The following HPS3 variants were observed in gnomAD, a reference collection of about 807,000 sequenced individuals.
HPS3 encodes the protein HPS3 biogenesis of lysosomal organelles complex 2 subunit 1, also known as BLOC-2 complex member HPS3.
HPS3 carries 79 observed loss-of-function variants against 110.9 expected under a neutral mutation model. The ratio of observed to expected loss-of-function variants is 0.71; its 90% CI spans 0.59 to 0.86. The LOEUF is 0.86. Ranked by LOEUF, HPS3 falls within the 40% of genes least tolerant of loss-of-function variation. The pLI, the probability that HPS3 is intolerant of heterozygous loss-of-function variation, is 0.00. For synonymous variants in HPS3, 428 were observed against 451.0 expected, an observed-to-expected ratio of 0.95 and a Z score of 0.65; for missense variants, 1,197 against 1,206.2, an observed-to-expected ratio of 0.99 and a Z score of 0.11.
At chr3:149,171,230 A>T (rs1724957554) in intron 16 of HPS3, among the ~76,000 whole-genome samples, 1 of 152,084 alleles carries the variant, frequency 6.6e-6, no homozygotes, top group South Asian at 2.1e-4. Flanking sequence ...GTGAGCTGAG[A>T]TCGCACCACT....
At chr3:149,133,107 G>A (rs138271908) in intron 1 of HPS3, among the ~76,000 whole-genome samples, 31 of 152,224 alleles carry the variant, frequency 2.0e-4, no homozygotes, top group African/African-American at 6.3e-4. Context: ...AAAAGACAAC[G>A]AAGATTTAGA....
chr3:149,137,691 G>A (rs1410985376), intron 1 of HPS3, among the ~76,000 whole-genome samples: 1 of 152,184 alleles, frequency 6.6e-6, no homozygotes, highest in Non-Finnish European at 1.5e-5. Flanking sequence ...TCTTAGAGAA[G>A]TTATGCTAAG....
intron 9 of HPS3, among the ~76,000 whole-genome samples, chr3:149,158,403 C>G (rs1032074943): frequency 6.6e-5 from 10 of 152,134 alleles, no homozygotes; most frequent in East Asian, 1.9e-4. Context: ...GTTTCAGTTA[C>G]TAATGGCAGT....
At chr3:149,168,705 T>C (rs1724678734) in intron 16 of HPS3, among the ~76,000 whole-genome samples, 1 of 152,176 alleles carries the variant, frequency 6.6e-6, no homozygotes, top group Non-Finnish European at 1.5e-5. Flanking sequence ...TGTATGCTTG[T>C]GATTGGGAAG....
At position 149,173,268 on chromosome 3, in the gene HPS3, T is replaced by A. The variant is rs11537807; in HGVS notation, c.*1046T>A. 6.5e-6 allele frequency: 1 copy of A among 152,938 alleles called. No individual in the cohort carries two copies. The highest frequency in any genetic ancestry group is 1.5e-5 in the Non-Finnish European group (1 of 68,594). 9.5% of individuals were successfully genotyped at this position (152,938 alleles called of 1,614,324 possible). A position where few individuals can be genotyped will look rare whatever the true frequency, so the allele number is the denominator to read the frequency against. Reference sequence around the variant, plus strand: ...TTATTTATTTTATTTTTTATTTCCTTCCCTCATACCTTGCCCATTCCCTCT... The same window carrying A: ...TTATTTATTTTATTTTTTATTTCCTACCCTCATACCTTGCCCATTCCCTCT... On this transcript the variant is annotated 3_prime_UTR_variant, in exon 17 of 17. Coordinates refer to ENST00000296051, the MANE Select transcript of HPS3 (RefSeq NM_032383.5).
intron 4 of HPS3, among the ~76,000 whole-genome samples, chr3:149,144,799 A>G (rs1722694484): frequency 6.6e-6 from 1 of 152,336 alleles, no homozygotes; most frequent in East Asian, 1.9e-4. Flanking sequence ...ATATGGCATA[A>G]GTATAAAATA....
At chr3:149,138,681 T>G (rs1437930546) in intron 1 of HPS3, among the ~76,000 whole-genome samples, 1 of 152,202 alleles carries the variant, frequency 6.6e-6, no homozygotes, top group Non-Finnish European at 1.5e-5. Flanking sequence ...TTTATATCCC[T>G]TTTAAGTAGA....
chr3:149,153,166 G>C (rs920877148), intron 6 of HPS3, among the ~76,000 whole-genome samples: 1 of 152,202 alleles, frequency 6.6e-6, no homozygotes, highest in African/African-American at 2.4e-5. Context: ...ATCTCCTGGA[G>C]GTATCTGTGG....
At chr3:149,134,372 G>C (rs933574724) in intron 1 of HPS3, among the ~76,000 whole-genome samples, 2 of 151,546 alleles carry the variant, frequency 1.3e-5, no homozygotes, top group African/African-American at 4.9e-5. Context: ...ATGTGTGTGT[G>C]TGTGAGAGAG....
chr3:149,141,390 A>T lies in HPS3; in HGVS notation c.970+10A>T, dbSNP rs1407483954. 6.2e-7 allele frequency: 1 copy of T among 1,604,616 alleles called. No homozygotes were observed. ...CCCATTTACCAGACCGGTAAGCATG[A>T]CAGTGCAGGAGTGCGACAGTGCAGC... On this transcript the variant is annotated intron_variant, in intron 4 of 16. Transcript: ENST00000296051.
chr3:149,133,187 G>C (rs376149459), intron 1 of HPS3, among the ~76,000 whole-genome samples: 2 of 152,238 alleles, frequency 1.3e-5, no homozygotes, highest in Admixed American at 6.5e-5. Flanking sequence ...TTGAAGTTCT[G>C]CTGTGGGTAA....
chr3:149,132,915 C>T (rs1300300443), intron 1 of HPS3, among the ~76,000 whole-genome samples: 2 of 152,160 alleles, frequency 1.3e-5, no homozygotes, highest in Non-Finnish European at 2.9e-5. Flanking sequence ...GATGAAATAA[C>T]AGTAGATGTA....
intron 6 of HPS3, 149 bp downstream of exon 6, chr3:149,150,829 T>G: frequency 1.4e-6 from 1 of 710,802 alleles, no homozygotes; most frequent in Non-Finnish European, 2.6e-6. Flanking sequence ...GGATGTAAAA[T>G]AGTGAGGATT....
In HPS3 at chr3:149,145,370, T is replaced by C. The variant is rs1010120909; in HGVS notation, c.987T>C (p.Asp329=). The change falls in exon 5 of 17, where the codon GAT becomes GAC. Residue 329 remains aspartate, a synonymous_variant. Transcript: ENST00000296051. ...PIYQTGSLTS[D]GKNLSQEKEL... ...TGCATGCAGGTTCTCTTACATCTGA[T>C]GGAAAAAATTTGTCTCAGGAAAAAG... 13 of 1,613,462 alleles carry C rather than the reference T, an allele frequency of 8.1e-6. No individual in the cohort carries two copies. Among genetic ancestry groups the C allele is most frequent in the Non-Finnish European group, 1.0e-5 (12 of 1,179,596 alleles).
chr3:149,146,832 A>G (rs1196125486), intron 5 of HPS3, among the ~76,000 whole-genome samples: 1 of 152,220 alleles, frequency 6.6e-6, no homozygotes, highest in Non-Finnish European at 1.5e-5. Context: ...AGGTGGTGAA[A>G]ACAGTGCTTG....
At chr3:149,164,176 G>A (rs1291097237) in intron 14 of HPS3, among the ~76,000 whole-genome samples, 1 of 152,160 alleles carries the variant, frequency 6.6e-6, no homozygotes, top group Non-Finnish European at 1.5e-5. Context: ...GTAGGTGGAT[G>A]AACGAACTTC....
chr3:149,141,014 A>G lies in HPS3; in HGVS notation c.713-3A>G. 1 of 1,613,302 alleles carries G rather than the reference A, an allele frequency of 6.2e-7. No homozygotes were observed. The highest frequency in any genetic ancestry group is 8.5e-7 in the Non-Finnish European group (1 of 1,179,300). The stretch of plus-strand genomic sequence containing the variant: ...CAGGACTGTTACATTTTATTTTTTT[A>G]AGGCATCAGTAATGAAATTTCACAG... On this transcript the variant is annotated splice_region_variant and splice_polypyrimidine_tract_variant and intron_variant, in intron 2 of 16. Transcript: ENST00000296051.
In HPS3 at chr3:149,162,222, C is replaced by T. The variant is rs573058813; in HGVS notation, c.2181C>T (p.Thr727=). ...AGAGAAAGGGACAGATTGTTCCAAC[C>T]GAGCTTGCACTTCACTTGAAGGAAA... ...IQQRKGQIVP[T]ELALHLKETQ... is the part of the protein sequence containing the mutation. Residue 727 remains threonine, a synonymous_variant, in exon 12 of 17, where the codon ACC becomes ACT. Transcript: ENST00000296051. 93 of 1,613,932 alleles carry T rather than the reference C, an allele frequency of 5.8e-5. No individual in the cohort carries two copies. The highest frequency in any genetic ancestry group is 2.9e-4 in the East Asian group (13 of 44,878).
At position 149,162,851 on chromosome 3, in the gene HPS3, C is replaced by G; in HGVS notation, c.2454C>G (p.Thr818=). The G allele has an allele frequency of 6.2e-7, 1 of 1,613,866 alleles. No homozygotes were observed. The highest frequency in any genetic ancestry group is 8.5e-7 in the Non-Finnish European group (1 of 1,179,870). Residue 818 remains threonine, a synonymous_variant, in exon 13 of 17, where the codon ACC becomes ACG. Transcript: ENST00000296051. ...WRLSKRQPPD[T]TPLRTSEDLI... is the part of the protein sequence containing the mutation. ...TGTCTAAGAGGCAGCCTCCTGACAC[C>G]ACACCATTGCGAACATCGGAGGATC...
Sources: allele counts gnomAD v4.1 joint callset (sites outside exome capture counted in the v4.1 genomes callset), GRCh38; gene constraint gnomAD v4.1.1; transcripts MANE v1.5; gene names NCBI Gene and HGNC (gene_info 2026-07-23, HGNC 2026-07-21).